PLEKHM1: variants seen among roughly 807,000 people sequenced by gnomAD.
PLEKHM1 encodes pleckstrin homology domain-containing family M member 1.
In PLEKHM1, 28 loss-of-function variants were observed where a neutral mutation model predicts 94.3. The ratio of observed to expected loss-of-function variants is 0.30; its 90% CI spans 0.22 to 0.41. PLEKHM1 has a LOEUF of 0.41. PLEKHM1 is among the 10% of genes least tolerant of loss of function. The probability of loss-of-function intolerance (pLI) is 1.00; values close to 1 mark genes in which losing one functional copy is unlikely to be tolerated. For synonymous variants in PLEKHM1, 424 were observed against 581.2 expected, an observed-to-expected ratio of 0.73 and a Z score of 3.89; for missense variants, 907 against 1,358.6, an observed-to-expected ratio of 0.67 and a Z score of 5.22.
intron 6 of PLEKHM1, among the ~76,000 whole-genome samples, chr17:45,455,211 C>T (rs1021284514): frequency 1.3e-5 from 2 of 152,208 alleles, no homozygotes; most frequent in African/African-American, 2.4e-5. Context: ...TTCTCTCCCC[C>T]CATTCTACTG....
At position 45,445,161 on chromosome 17, in the gene PLEKHM1, C is replaced by A. The variant is rs1206210387; in HGVS notation, c.2837+309G>T. ...ACATGAACAAAACCCCAAAATCACC[C>A]CCAAAAGATGTGATCATTTCGCAGG... is the stretch of plus-strand genomic sequence containing the variant. On this transcript the variant is annotated intron_variant, in intron 9 of 11. Transcript: ENST00000430334. This position sits in a 1 kb window ranked among gnomAD's most constrained non-coding sequence, Gnocchi z 4.2. Among the ~76,000 whole-genome samples, 3 of 152,258 alleles carry A rather than the reference C, an allele frequency of 2.0e-5. No homozygotes were observed. The highest frequency in any genetic ancestry group is 6.5e-5 in the Admixed American group (1 of 15,290).
At chr17:45,439,413 G>A in intron 11 of PLEKHM1, 64 bp downstream of exon 11, 1 of 1,578,162 alleles carries the variant, frequency 6.3e-7, no homozygotes, top group Non-Finnish European at 8.7e-7. Context: ...CTGCGTGCTT[G>A]GGCCAGGCTG....
rs1177957885 is a variant in PLEKHM1, at chr17:45,470,751, C to T, written c.924-2158G>A. ...TCGGCTCACTGCAAGCTCCGCCTCC[C>T]GGGTTCATGCCATTCTCCTGCCTCA... On this transcript the variant is annotated intron_variant, in intron 4 of 11. Transcript: ENST00000430334. 4.6e-5 allele frequency among the ~76,000 whole-genome samples: 7 copies of T among 151,190 alleles called. No homozygotes were observed. The East Asian group carries it at 5.9e-4, about 13-fold the overall frequency.
Position 45,437,992 on chromosome 17 carries a change from G to A in PLEKHM1, c.3060-23C>T, listed in dbSNP as rs770971659. 1 of 1,578,176 alleles carries A rather than the reference G, an allele frequency of 6.3e-7. No homozygotes were observed. The highest frequency in any genetic ancestry group is 8.7e-7 in the Non-Finnish European group (1 of 1,149,602). ...CACCTGGGGAGAGAGCAGTAGGCCT[G>A]CTGGTGCCGGCTGGGCTGGAGGTTG... On this transcript the variant is annotated intron_variant, in intron 11 of 11. Transcript: ENST00000430334. This position sits in a 1 kb window ranked among gnomAD's most constrained non-coding sequence, Gnocchi z 4.0.
intron 6 of PLEKHM1, 189 bp from the exon 7 acceptor site, chr17:45,454,461 C>T: frequency 3.1e-6 from 2 of 655,628 alleles, no homozygotes; most frequent in Admixed American, 2.2e-5. Flanking sequence ...TCTCACCGTC[C>T]ACTGCTGCTC....
intron 9 of PLEKHM1, among the ~76,000 whole-genome samples, chr17:45,441,232 G>T (rs1182013221): frequency 6.6e-6 from 1 of 152,186 alleles, no homozygotes; most frequent in Admixed American, 6.5e-5. Context: ...AGACATCTGG[G>T]GACAGGATGG....
chr17:45,486,136 G>C (rs1301958276), intron 1 of PLEKHM1, among the ~76,000 whole-genome samples: 1 of 148,368 alleles, frequency 6.7e-6, no homozygotes, highest in Non-Finnish European at 1.5e-5. Flanking sequence ...AGAATGGCGT[G>C]AACCTGGGAG....
At chr17:45,485,652 C>A (rs990858156) in intron 1 of PLEKHM1, among the ~76,000 whole-genome samples, 2 of 152,022 alleles carry the variant, frequency 1.3e-5, no homozygotes, top group African/African-American at 4.8e-5. Context: ...AATCCCAGCA[C>A]TTTGGGAGGC....
intron 9 of PLEKHM1, 129 bp from the exon 10 acceptor site, chr17:45,440,355 G>C: frequency 1.1e-6 from 1 of 914,256 alleles, no homozygotes; most frequent in Non-Finnish European, 1.8e-6. Context: ...GCAGGGGCTA[G>C]GAGTGTAATT....
rs958334065 is a variant in PLEKHM1, at chr17:45,490,472, G to C, written c.-42+180C>G. 2.0e-5 allele frequency among the ~76,000 whole-genome samples: 3 copies of C among 152,212 alleles called. No individual in the cohort carries two copies. In the East Asian group the frequency reaches 5.8e-4, roughly 29 times the overall value. ...CGGGGCCACAGCGGCGGTGCAGGGG[G>C]AAGGCTGGGTCGGAGAGGAGCGGGC... On this transcript the variant is annotated intron_variant, in intron 1 of 11. Coordinates refer to ENST00000430334, the MANE Select transcript of PLEKHM1 (RefSeq NM_014798.3).
At chr17:45,472,455 T>G (rs1323439672) in intron 4 of PLEKHM1, among the ~76,000 whole-genome samples, 1 of 151,994 alleles carries the variant, frequency 6.6e-6, no homozygotes, top group Admixed American at 6.6e-5. Context: ...ACAAGACACA[T>G]GAGATAAAGG....
intron 1 of PLEKHM1, among the ~76,000 whole-genome samples, chr17:45,485,397 G>C (rs896596603): frequency 1.3e-5 from 2 of 152,022 alleles, no homozygotes; most frequent in African/African-American, 4.8e-5. Context: ...CTTCTAGAGA[G>C]AGCCCGAAGC....
rs1484363278 is a variant in PLEKHM1, at chr17:45,442,386, G to A, written c.2838-2160C>T. Among the ~76,000 whole-genome samples, 3 of 152,154 alleles carry A rather than the reference G, an allele frequency of 2.0e-5. No individual in the cohort carries two copies. The East Asian group carries it at 5.8e-4, about 29-fold the overall frequency. ...CCTTCACCAACTGCACTCCACTGGG[G>A]CCAGAATGGTCTTTTTGTGTGTTTG... On this transcript the variant is annotated intron_variant, in intron 9 of 11. Coordinates refer to ENST00000430334, the MANE Select transcript of PLEKHM1 (RefSeq NM_014798.3).
chr17:45,444,060 G>T lies in PLEKHM1; in HGVS notation c.2837+1410C>A, dbSNP rs2050527449. 6.6e-6 allele frequency among the ~76,000 whole-genome samples: 1 copy of T among 152,146 alleles called. No individual in the cohort carries two copies. Among genetic ancestry groups the T allele is most frequent in the Admixed American group, 6.5e-5 (1 of 15,286 alleles). ...GCAGTACCCCTTGAGAGCCCCTGGG[G>T]ACCTGCTCGAGGCACACCCTGGCCC... On this transcript the variant is annotated intron_variant, in intron 9 of 11. Transcript: ENST00000430334. The surrounding 1 kb of genome is among the most constrained non-coding windows in gnomAD (Gnocchi z 5.0).
chr17:45,455,522 C>T (rs2050919458), intron 6 of PLEKHM1, among the ~76,000 whole-genome samples: 1 of 152,108 alleles, frequency 6.6e-6, no homozygotes, highest in African/African-American at 2.4e-5. Context: ...GCTGACATGT[C>T]CAGGATGAAT....
chr17:45,459,987 G>A (rs1196472025), intron 5 of PLEKHM1: 1 of 151,336 alleles, frequency 6.6e-6, no homozygotes, highest in East Asian at 1.9e-4. Context: ...TGTTGGAGTA[G>A]AATGGGCTGT....
intron 5 of PLEKHM1, among the ~76,000 whole-genome samples, chr17:45,464,963 T>C (rs1264515371): frequency 6.6e-6 from 1 of 152,112 alleles, no homozygotes; most frequent in Non-Finnish European, 1.5e-5. Flanking sequence ...GGGATGGTCA[T>C]GATTTATTCA....
rs2145220408 is a variant in PLEKHM1 at position 45,454,079 on chromosome 17, A to G, written c.1773T>C (p.Asp591=). Reference sequence around the variant, plus strand: ...CAGAGAAGACCAGCTCAAAGCGCCCATCACTATGGGCTGGCCCCACAGACT... The same window carrying G: ...CAGAGAAGACCAGCTCAAAGCGCCCGTCACTATGGGCTGGCCCCACAGACT... The part of the protein sequence containing the change: ...RCESVGPAHS[D]GRFELVFSGK... The change falls in exon 7 of 12, where the codon GAT becomes GAC. Residue 591 remains aspartate (D), a synonymous_variant. Transcript: ENST00000430334. 3 of 1,614,206 alleles carry G rather than the reference A, an allele frequency of 1.9e-6. No homozygotes were observed. Among genetic ancestry groups the G allele is most frequent in the Non-Finnish European group, 2.5e-6 (3 of 1,180,038 alleles).
chr17:45,438,371 A>C (rs1202954421), intron 11 of PLEKHM1, among the ~76,000 whole-genome samples: 1 of 151,772 alleles, frequency 6.6e-6, no homozygotes, highest in East Asian at 2.0e-4. Flanking sequence ...GTCTCTACTA[A>C]AAATACAAAA....
Sources: allele counts gnomAD v4.1 joint callset (sites outside exome capture counted in the v4.1 genomes callset), GRCh38; gene constraint gnomAD v4.1.1; non-coding constraint Gnocchi (gnomAD v3.1); transcripts MANE v1.5; gene names NCBI Gene and HGNC (gene_info 2026-07-23, HGNC 2026-07-21).